Variants in ERC2 observed in about 807,000 individuals in gnomAD.
The protein encoded by ERC2 is ELKS/RAB6-interacting/CAST family member 2.
In ERC2, 42 loss-of-function variants were observed where a neutral mutation model predicts 114.8. That is an observed-to-expected ratio of 0.37 (90% CI 0.29 to 0.47). The LOEUF is 0.47. Among genes scored for constraint, ERC2 ranks in the 20% least tolerant of loss-of-function variants. The probability of loss-of-function intolerance (pLI) is 0.99; values close to 1 mark genes in which losing one functional copy is unlikely to be tolerated. For missense variants in ERC2, 939 were observed against 1,150.7 expected (o/e 0.82, Z 2.66); for synonymous variants, 454 against 425.5 (o/e 1.07, Z -0.82).
At chr3:55,665,481 C>A (rs1193020829) in intron 17 of ERC2, among the ~76,000 whole-genome samples, 1 of 152,146 alleles carries the variant, frequency 6.6e-6, no homozygotes, top group African/African-American at 2.4e-5. Flanking sequence ...TCTTAGGTGA[C>A]TGTTGTCCTT....
At chr3:56,419,875 A>G (rs577204323) in intron 2 of ERC2, among the ~76,000 whole-genome samples, 209 of 152,308 alleles carry the variant, frequency 1.4e-3, no homozygotes, top group Non-Finnish European at 2.3e-3. Flanking sequence ...GGCTTCCCAA[A>G]GGTAAAAACC....
chr3:55,794,417 G>A (rs9864181), intron 14 of ERC2, among the ~76,000 whole-genome samples: 5,650 of 152,142 alleles, frequency 0.037, 118 homozygotes, highest in South Asian at 0.072. Context: ...AGGTTTTCAT[G>A]GCTTTTATTT....
intron 14 of ERC2, among the ~76,000 whole-genome samples, chr3:55,848,931 TTTG>T (rs1457909366): frequency 2.0e-5 from 3 of 152,344 alleles, no homozygotes; most frequent in South Asian, 2.1e-4. Context: ...AGGCAGTTTT[TTTG>T]TTGTTGTTGT....
At chr3:55,733,357 C>G (rs11920340) in intron 15 of ERC2, among the ~76,000 whole-genome samples, 3,365 of 151,898 alleles carry the variant, frequency 0.022, 89 homozygotes, top group African/African-American at 0.062. Flanking sequence ...GTGACTGGGA[C>G]CCTCCCTCTA....
At chr3:56,051,646 A>C (rs2075770933) in intron 7 of ERC2, among the ~76,000 whole-genome samples, 2 of 152,076 alleles carry the variant, frequency 1.3e-5, no homozygotes, top group South Asian at 4.1e-4. Context: ...TACACTGGGC[A>C]GCTACCCCAT....
chr3:56,071,011 G>T lies in ERC2; in HGVS notation c.1641+9806C>A, dbSNP rs78106303. On this transcript the variant is annotated intron_variant, in intron 7 of 17. Transcript: ENST00000288221. ...TGGCTAGGTGAGGTGCCCCTCCTAT[G>T]TGTAGTATACCTGGCTGATAGAGCA... 5.5e-4 allele frequency among the ~76,000 whole-genome samples: 83 copies of T among 152,284 alleles called. No individual in the cohort carries two copies. The East Asian group carries it at 0.013, about 25-fold the overall frequency.
intron 12 of ERC2, among the ~76,000 whole-genome samples, chr3:55,980,461 A>G (rs2070024053): frequency 6.6e-6 from 1 of 152,214 alleles, no homozygotes; most frequent in African/African-American, 2.4e-5. Context: ...GTCCAGTCAC[A>G]GGATGGTTGG....
chr3:56,346,792 C>G (rs1221195051), intron 2 of ERC2, among the ~76,000 whole-genome samples: 1 of 152,116 alleles, frequency 6.6e-6, no homozygotes, highest in Non-Finnish European at 1.5e-5. Flanking sequence ...GAGACTGGGA[C>G]GTCCAATATG....
At chr3:55,717,907 G>A (rs2064219242) in intron 15 of ERC2, among the ~76,000 whole-genome samples, 1 of 152,176 alleles carries the variant, frequency 6.6e-6, no homozygotes, top group Non-Finnish European at 1.5e-5. Flanking sequence ...CCTATCTGGG[G>A]TCCCAGAGTT....
In ERC2 at chr3:55,888,546, C is replaced by G; in HGVS notation, c.2407G>C (p.Glu803Gln). 6.2e-7 allele frequency: 1 copy of G among 1,613,794 alleles called. No homozygotes were observed. The highest frequency in any genetic ancestry group is 8.5e-7 in the Non-Finnish European group (1 of 1,179,752). ...TTCTCCAGTGCATTCATCAGTTCCT[C>G]TATCTGAAAGGCACATGGAGCTCTG... ...MADNSQHLQI[E>Q]ELMNALEKTR... The change falls in exon 14 of 18, where the codon GAG (glutamate) becomes CAG (glutamine). Residue 803 changes from glutamate to glutamine, a missense_variant. Glu to Gln is a conservative substitution (Grantham distance 29). Coordinates refer to ENST00000288221, the MANE Select transcript of ERC2 (RefSeq NM_015576.3).
At chr3:56,412,708 C>T (rs1051953677) in intron 2 of ERC2, among the ~76,000 whole-genome samples, 5 of 152,166 alleles carry the variant, frequency 3.3e-5, no homozygotes, top group Non-Finnish European at 5.9e-5. Flanking sequence ...AATTTCTCAT[C>T]TGTAAAACAG....
intron 14 of ERC2, chr3:55,852,376 A>G (rs991189555): frequency 3.9e-5 from 6 of 154,770 alleles, no homozygotes; most frequent in Admixed American, 2.6e-4. Context: ...TTTTATAGGT[A>G]AGATAAATAT....
chr3:55,618,860 A>G (rs919655888), intron 17 of ERC2, among the ~76,000 whole-genome samples: 6 of 152,258 alleles, frequency 3.9e-5, no homozygotes, highest in African/African-American at 1.4e-4. Flanking sequence ...CCTGATCAAC[A>G]GGAAAAGCTG....
intron 9 of ERC2, 107 bp downstream of exon 9, chr3:56,010,342 C>T: frequency 7.4e-7 from 1 of 1,343,838 alleles, no homozygotes; most frequent in Admixed American, 2.3e-5. Flanking sequence ...CTACATTCCC[C>T]AAGCCTTCAT....
At chr3:56,057,691 G>A (rs1319531773) in intron 7 of ERC2, among the ~76,000 whole-genome samples, 1 of 152,194 alleles carries the variant, frequency 6.6e-6, no homozygotes. Context: ...TATTGATTAA[G>A]CTCCTGTTAC....
intron 10 of ERC2, chr3:56,003,141 T>C: frequency 7.8e-7 from 1 of 1,288,122 alleles, no homozygotes. Context: ...CTTGCTACAT[T>C]GCAAAGTTGG....
At chr3:55,713,129 T>TCACA (rs1491444178) in intron 15 of ERC2, among the ~76,000 whole-genome samples, 96 of 74,712 alleles carry the variant, frequency 1.3e-3, no homozygotes, top group Non-Finnish European at 2.0e-3. Context: ...TCTCTCTCTG[T>TCACA]CTCACACACA....
chr3:55,562,271 G>C (rs1268934892), intron 17 of ERC2, among the ~76,000 whole-genome samples: 1 of 152,010 alleles, frequency 6.6e-6, no homozygotes, highest in Non-Finnish European at 1.5e-5. Flanking sequence ...TCTTGCCTCA[G>C]CCTCCCGAGT....
chr3:56,221,785 T>C (rs2049931234), intron 3 of ERC2, among the ~76,000 whole-genome samples: 1 of 152,086 alleles, frequency 6.6e-6, no homozygotes, highest in South Asian at 2.1e-4. Context: ...GCGCCTGTAG[T>C]CCCAGCTCCT....
Sources: allele counts gnomAD v4.1 joint callset (sites outside exome capture counted in the v4.1 genomes callset), GRCh38; gene constraint gnomAD v4.1.1; transcripts MANE v1.5; gene names NCBI Gene and HGNC (gene_info 2026-07-23, HGNC 2026-07-21).